The following MITF variants were observed in gnomAD, a reference collection of about 807,000 sequenced individuals.
The protein encoded by MITF is melanocyte inducing transcription factor.
A neutral mutation model predicts 60.5 loss-of-function variants in MITF; 17 were observed. The ratio of observed to expected loss-of-function variants is 0.28; its 90% confidence interval spans 0.19 to 0.42. The LOEUF is 0.42. Among genes scored for constraint, MITF ranks in the 10% least tolerant of loss-of-function variants. The probability of loss-of-function intolerance (pLI) is 1.00; values close to 1 mark genes in which losing one functional copy is unlikely to be tolerated. For synonymous variants in MITF, 260 were observed against 248.5 expected, an observed-to-expected ratio of 1.05 and a Z score of -0.43; for missense variants, 622 against 683.5, an observed-to-expected ratio of 0.91 and a Z score of 1.00.
At chr3:69,753,387 ACT>A (rs1166846033) in intron 1 of MITF, among the ~76,000 whole-genome samples, 1 of 152,074 alleles carries the variant, frequency 6.6e-6, no homozygotes, top group African/African-American at 2.4e-5. Context: ...TCATAAAGAA[ACT>A]CTACTAGGGC....
intron 1 of MITF, among the ~76,000 whole-genome samples, chr3:69,820,560 T>C (rs2063253025): frequency 6.6e-6 from 1 of 152,184 alleles, no homozygotes; most frequent in South Asian, 2.1e-4. Context: ...AAACTCTAAG[T>C]TTCTGCCAGG....
At position 69,764,725 on chromosome 3, in the gene MITF, G is replaced by A. The variant is rs546013636; in HGVS notation, c.104+25024G>A. On this transcript the variant is annotated intron_variant, in intron 1 of 9. Transcript: ENST00000352241. ...TATTTTTACTCAACAGTTTTTCTCC[G>A]ACTCAAGGCCGTTACTGGTATTATG... 7.9e-5 allele frequency among the ~76,000 whole-genome samples: 12 copies of A among 152,170 alleles called. No homozygotes were observed. The South Asian group carries it at 1.7e-3, about 21-fold the overall frequency.
intron 6 of MITF, 62 bp from the exon 7 acceptor site, chr3:69,951,750 A>G (rs1045374909): frequency 1.3e-5 from 16 of 1,195,790 alleles, no homozygotes; most frequent in Non-Finnish European, 1.6e-5. Flanking sequence ...GATATTTTGT[A>G]GTTTACATTT....
At chr3:69,927,418 A>C (rs1029895915) in intron 2 of MITF, among the ~76,000 whole-genome samples, 3 of 152,134 alleles carry the variant, frequency 2.0e-5, no homozygotes, top group African/African-American at 4.8e-5. Context: ...TACCTAATGC[A>C]TGTGGGGCTT....
At chr3:69,937,674 C>T (rs575286274) in intron 2 of MITF, 148 bp from the exon 3 acceptor site, 14 of 728,064 alleles carry the variant, frequency 1.9e-5, no homozygotes, top group South Asian at 1.1e-4. Flanking sequence ...TATCAAAATC[C>T]GTTAGCACAG....
At chr3:69,827,138 A>C (rs1345777074) in intron 1 of MITF, among the ~76,000 whole-genome samples, 1 of 152,112 alleles carries the variant, frequency 6.6e-6, no homozygotes, top group Non-Finnish European at 1.5e-5. Flanking sequence ...AACCCATCCT[A>C]TCTGAGGGGG....
intron 2 of MITF, among the ~76,000 whole-genome samples, chr3:69,906,340 G>T (rs1419732744): frequency 1.3e-5 from 2 of 152,072 alleles, no homozygotes; most frequent in Non-Finnish European, 2.9e-5. Flanking sequence ...AAACTCTCTT[G>T]ATTAGTGTAG....
intron 2 of MITF, among the ~76,000 whole-genome samples, chr3:69,888,111 A>G (rs2064667546): frequency 6.6e-6 from 1 of 152,082 alleles, no homozygotes; most frequent in Admixed American, 6.6e-5. Flanking sequence ...GACTTCTATT[A>G]CCTTACTACC....
intron 1 of MITF, among the ~76,000 whole-genome samples, chr3:69,874,808 A>G (rs149808432): frequency 8.3e-4 from 126 of 152,326 alleles, no homozygotes; most frequent in African/African-American, 3.0e-3. Context: ...GGAGCATTGA[A>G]TTTAATGGAA....
chr3:69,910,886 G>A (rs1457129125), intron 2 of MITF, among the ~76,000 whole-genome samples: 4 of 151,990 alleles, frequency 2.6e-5, no homozygotes, highest in Admixed American at 1.3e-4. Context: ...GCTGAAATGA[G>A]TTAAGACTTT....
At chr3:69,771,052 T>C (rs1309640671) in intron 1 of MITF, among the ~76,000 whole-genome samples, 1 of 152,188 alleles carries the variant, frequency 6.6e-6, no homozygotes, top group Non-Finnish European at 1.5e-5. Context: ...TGTGTGACTG[T>C]TTATGATCTA....
chr3:69,812,936 T>C (rs577094372), intron 1 of MITF, among the ~76,000 whole-genome samples: 13 of 152,286 alleles, frequency 8.5e-5, no homozygotes, highest in African/African-American at 2.9e-4. Flanking sequence ...ATCCTTTTAC[T>C]TTTGCCTCTC....
chr3:69,792,422 T>C (rs2062755168), intron 1 of MITF, among the ~76,000 whole-genome samples: 4 of 152,116 alleles, frequency 2.6e-5, no homozygotes, highest in Admixed American at 2.6e-4. Context: ...CTTCCCTCCC[T>C]TCTTAAGCTC....
intron 1 of MITF, among the ~76,000 whole-genome samples, chr3:69,824,149 G>C (rs2063319665): frequency 6.6e-6 from 1 of 152,168 alleles, no homozygotes; most frequent in Non-Finnish European, 1.5e-5. Flanking sequence ...GATTTGGTGT[G>C]AACTCAGAAT....
chr3:69,753,594 C>G (rs1459254629), intron 1 of MITF, among the ~76,000 whole-genome samples: 1 of 152,228 alleles, frequency 6.6e-6, no homozygotes, highest in Non-Finnish European at 1.5e-5. Context: ...GGGGCTGAAC[C>G]CTGCAAAGCC....
At chr3:69,933,118 G>A (rs1006903194) in intron 2 of MITF, among the ~76,000 whole-genome samples, 1 of 152,008 alleles carries the variant, frequency 6.6e-6, no homozygotes, top group Non-Finnish European at 1.5e-5. Context: ...GTTCAAGGCT[G>A]TAGTGTGCCA....
intron 2 of MITF, among the ~76,000 whole-genome samples, chr3:69,884,607 G>A (rs1401114903): frequency 1.3e-5 from 2 of 152,094 alleles, no homozygotes; most frequent in Non-Finnish European, 2.9e-5. Flanking sequence ...TGAACACTTG[G>A]GGGTGAGGAT....
At chr3:69,791,147 A>G (rs1157782958) in intron 1 of MITF, among the ~76,000 whole-genome samples, 1 of 152,148 alleles carries the variant, frequency 6.6e-6, no homozygotes, top group Non-Finnish European at 1.5e-5. Context: ...CATGTTCTAA[A>G]TATAGATGTG....
At chr3:69,813,519 T>C (rs1383066491) in intron 1 of MITF, among the ~76,000 whole-genome samples, 1 of 152,178 alleles carries the variant, frequency 6.6e-6, no homozygotes, top group African/African-American at 2.4e-5. Flanking sequence ...CCAAACTGTT[T>C]CATATTGCTT....
Sources: allele counts gnomAD v4.1 joint callset (sites outside exome capture counted in the v4.1 genomes callset), GRCh38; gene constraint gnomAD v4.1.1; transcripts MANE v1.5; gene names NCBI Gene and HGNC (gene_info 2026-07-23, HGNC 2026-07-21).